KCNH7: variants seen among roughly 807,000 people sequenced by gnomAD.
The protein encoded by KCNH7 is potassium voltage-gated channel subfamily H member 7, also known as voltage-gated inwardly rectifying potassium channel KCNH7.
Under a neutral mutation model 120.8 loss-of-function variants are expected in KCNH7, and 49 were observed. The ratio of observed to expected loss-of-function variants is 0.41; its 90% CI spans 0.32 to 0.51. KCNH7 has a LOEUF of 0.51. Among genes scored for constraint, KCNH7 ranks in the 20% least tolerant of loss-of-function variants. KCNH7 has a pLI of 0.38. For missense variants in KCNH7, 1,097 were observed against 1,446.6 expected, an observed-to-expected ratio of 0.76 and a Z score of 3.92; for synonymous variants, 547 against 516.1, an observed-to-expected ratio of 1.06 and a Z score of -0.81.
chr2:162,739,457 C>T (rs11682423), intron 2 of KCNH7, among the ~76,000 whole-genome samples: 49,326 of 152,002 alleles, frequency 0.32, 13,064 homozygotes, highest in African/African-American at 0.71. Flanking sequence ...GGCACCATGT[C>T]TTTTCTACCT....
intron 2 of KCNH7, among the ~76,000 whole-genome samples, chr2:162,635,165 A>G (rs1683911087): frequency 6.6e-6 from 1 of 152,094 alleles, no homozygotes; most frequent in Non-Finnish European, 1.5e-5. Flanking sequence ...TCTGACCCAG[A>G]GGTCATAATC....
At chr2:162,458,811 C>T (rs979317312) in intron 6 of KCNH7, among the ~76,000 whole-genome samples, 23 of 152,008 alleles carry the variant, frequency 1.5e-4, no homozygotes, top group African/African-American at 5.5e-4. Flanking sequence ...AGGTCTGAGC[C>T]TGGGCAACAT....
chr2:162,778,824 T>C (rs1574377792), intron 2 of KCNH7, among the ~76,000 whole-genome samples: 1 of 152,326 alleles, frequency 6.6e-6, no homozygotes, highest in East Asian at 1.9e-4. Context: ...TAGCATGATA[T>C]TCTGAAATAG....
intron 2 of KCNH7, among the ~76,000 whole-genome samples, chr2:162,793,038 T>C (rs967242210): frequency 6.6e-6 from 1 of 152,008 alleles, no homozygotes; most frequent in Admixed American, 6.6e-5. Flanking sequence ...TTACTAGTTT[T>C]GAACAACTTT....
chr2:162,425,635 T>C (rs77700817), intron 8 of KCNH7, among the ~76,000 whole-genome samples: 19 of 152,138 alleles, frequency 1.2e-4, no homozygotes, highest in Non-Finnish European at 2.5e-4. Flanking sequence ...GCTCAGGAAG[T>C]AGATTCAGTC....
At chr2:162,583,356 G>A (rs2105920437) in intron 2 of KCNH7, among the ~76,000 whole-genome samples, 2 of 152,086 alleles carry the variant, frequency 1.3e-5, no homozygotes, top group Middle Eastern at 3.4e-3. Flanking sequence ...TGTTCTTCCT[G>A]ATACACAGCA....
chr2:162,409,793 A>AAGTTCAG (rs1687331890), intron 9 of KCNH7, among the ~76,000 whole-genome samples: 1 of 152,004 alleles, frequency 6.6e-6, no homozygotes, highest in Non-Finnish European at 1.5e-5. Flanking sequence ...GATAACACCC[A>AAGTTCAG]AGTTCAGAGA....
At chr2:162,461,432 A>G (rs559107424) in intron 6 of KCNH7, among the ~76,000 whole-genome samples, 1 of 152,340 alleles carries the variant, frequency 6.6e-6, no homozygotes, top group East Asian at 1.9e-4. Context: ...CTTACCATAA[A>G]TACCCAATAA....
chr2:162,527,119 G>C (rs1691734932), intron 3 of KCNH7, among the ~76,000 whole-genome samples: 1 of 151,854 alleles, frequency 6.6e-6, no homozygotes, highest in Non-Finnish European at 1.5e-5. Flanking sequence ...CAAATCCTGG[G>C]GGGTGGGAGA....
intron 2 of KCNH7, among the ~76,000 whole-genome samples, chr2:162,678,589 T>C (rs1052473712): frequency 5.3e-5 from 8 of 151,444 alleles, no homozygotes; most frequent in Non-Finnish European, 1.0e-4. Context: ...ACTGACAACA[T>C]TAGAGAACAT....
intron 2 of KCNH7, 41 bp from the exon 3 acceptor site, chr2:162,537,121 T>A: frequency 6.6e-7 from 1 of 1,514,410 alleles, no homozygotes; most frequent in African/African-American, 1.4e-5. Flanking sequence ...AAATATGCCT[T>A]CATTCTGAAC....
intron 12 of KCNH7, among the ~76,000 whole-genome samples, chr2:162,387,950 CAA>C (rs1046389133): frequency 1.7e-4 from 26 of 151,840 alleles, no homozygotes; most frequent in African/African-American, 6.0e-4. Flanking sequence ...AAGCTTTGGT[CAA>C]AGAGAAGCAT....
intron 1 of KCNH7, 40 bp from the exon 2 acceptor site, chr2:162,836,807 C>T (rs1685680254): frequency 3.5e-6 from 5 of 1,430,900 alleles, no homozygotes; most frequent in Non-Finnish European, 4.9e-6. Context: ...GAAAAAGCTT[C>T]CACAATATTC....
chr2:162,765,943 C>T (rs1376498432), intron 2 of KCNH7, among the ~76,000 whole-genome samples: 1 of 151,970 alleles, frequency 6.6e-6, no homozygotes, highest in Non-Finnish European at 1.5e-5. Flanking sequence ...TATTTTTAGA[C>T]ATGGGGTCTC....
chr2:162,755,453 C>T (rs1688757511), intron 2 of KCNH7, among the ~76,000 whole-genome samples: 1 of 152,102 alleles, frequency 6.6e-6, no homozygotes, highest in Admixed American at 6.6e-5. Flanking sequence ...GACTGGGCAA[C>T]AGAGCAAGAC....
At chr2:162,673,588 G>T (rs1463336333) in intron 2 of KCNH7, among the ~76,000 whole-genome samples, 2 of 152,106 alleles carry the variant, frequency 1.3e-5, no homozygotes, top group East Asian at 3.9e-4. Flanking sequence ...TTGCACTTTT[G>T]CTTTCTGCCA....
At chr2:162,504,792 C>A in intron 5 of KCNH7, 135 bp from the exon 6 acceptor site, 2 of 630,944 alleles carry the variant, frequency 3.2e-6, no homozygotes, top group South Asian at 3.9e-5. Flanking sequence ...CAGCTTATAC[C>A]TGGACACAGG....
At chr2:162,623,218 G>A (rs1683425661) in intron 2 of KCNH7, among the ~76,000 whole-genome samples, 1 of 151,934 alleles carries the variant, frequency 6.6e-6, no homozygotes, top group African/African-American at 2.4e-5. Context: ...TGTACCTCTG[G>A]GTTTCCTTAG....
intron 3 of KCNH7, among the ~76,000 whole-genome samples, chr2:162,530,992 G>T (rs1382486284): frequency 6.6e-6 from 1 of 151,942 alleles, no homozygotes; most frequent in South Asian, 2.1e-4. Context: ...ATGACAGAAG[G>T]GTGTAATCAA....
Sources: gnomAD v4.1 joint callset for allele counts (sites outside exome capture counted in the v4.1 genomes callset) on GRCh38, gnomAD v4.1.1 for gene constraint, MANE v1.5 for transcripts, NCBI Gene and HGNC (gene_info 2026-07-23, HGNC 2026-07-21) for gene names.